BUB1: variants seen among roughly 807,000 people sequenced by gnomAD.
The protein encoded by BUB1 is BUB1 mitotic checkpoint serine/threonine kinase.
In BUB1, 84 loss-of-function variants were observed where a neutral mutation model predicts 135.2. The ratio of observed to expected loss-of-function variants is 0.62; its 90% CI spans 0.52 to 0.74. The LOEUF is 0.74. Among genes scored for constraint, BUB1 ranks in the 30% least tolerant of loss-of-function variants. The pLI is 0.00. For synonymous variants in BUB1, 403 were observed against 434.4 expected, an observed-to-expected ratio of 0.93 and a Z score of 0.90; for missense variants, 1,162 against 1,288.3, an observed-to-expected ratio of 0.90 and a Z score of 1.50.
intron 4 of BUB1, among the ~76,000 whole-genome samples, chr2:110,671,880 T>G (rs1266753144): frequency 6.6e-6 from 1 of 152,298 alleles, no homozygotes; most frequent in South Asian, 2.1e-4. Flanking sequence ...GTGAGATATG[T>G]TTAATCATAG....
At chr2:110,670,235 C>A (rs1431361776) in intron 5 of BUB1, among the ~76,000 whole-genome samples, 1 of 148,262 alleles carries the variant, frequency 6.7e-6, no homozygotes, top group Non-Finnish European at 1.5e-5. Flanking sequence ...GCCTCCCGGG[C>A]TCAAGCAATT....
intron 17 of BUB1, 146 bp downstream of exon 17, chr2:110,653,290 T>C (rs1689831595): frequency 1.4e-6 from 1 of 722,268 alleles, no homozygotes; most frequent in Admixed American, 2.7e-5. Context: ...GACTTAAAGC[T>C]ACTAGTCCAT....
chr2:110,674,317 A>C lies in BUB1; in HGVS notation c.75T>G (p.Gly25=). ...MQSYKGNDPL[G]EWERYIQWVE... is the part of the protein sequence containing the mutation. ...AACTAAATGCTGACCTTTCCCATTC[A>C]CCAAGAGGGTCATTGCCCTTGTAGC... Residue 25 remains glycine (G), a synonymous_variant, in exon 2 of 25, where the codon GGT becomes GGG. Coordinates refer to ENST00000302759, the MANE Select transcript of BUB1 (RefSeq NM_004336.5). 1.2e-6 allele frequency: 2 copies of C among 1,614,072 alleles called. No individual in the cohort carries two copies. Among genetic ancestry groups the C allele is most frequent in the Non-Finnish European group, 1.7e-6 (2 of 1,179,994 alleles).
intron 9 of BUB1, 67 bp downstream of exon 9, chr2:110,666,196 A>G: frequency 7.7e-7 from 1 of 1,297,624 alleles, no homozygotes; most frequent in East Asian, 2.8e-5. Context: ...CAGCACATAG[A>G]AAGGAACAAA....
At position 110,637,853 on chromosome 2, in the gene BUB1, G is replaced by T. The variant is rs992296947; in HGVS notation, c.*111C>A. 1 of 789,316 alleles carries T rather than the reference G, an allele frequency of 1.3e-6. No individual in the cohort carries two copies. Among genetic ancestry groups the T allele is most frequent in the Non-Finnish European group, 1.8e-6 (1 of 553,486 alleles). The allele number at this position is 789,316 out of a possible 1,614,324, so 48.9% of individuals were successfully genotyped here. On this transcript the variant is annotated 3_prime_UTR_variant, in exon 25 of 25. Coordinates refer to ENST00000302759, the MANE Select transcript of BUB1 (RefSeq NM_004336.5). ...TAAGTTACATGGAAATATTCCATGG[G>T]ATTTATTTTTAACAAACATTTACAT...
intron 8 of BUB1, among the ~76,000 whole-genome samples, chr2:110,666,643 C>A (rs1473955038): frequency 1.3e-5 from 2 of 150,256 alleles, no homozygotes; most frequent in Non-Finnish European, 3.0e-5. Flanking sequence ...AAAAAAACTA[C>A]ATGCTGATCA....
chr2:110,659,494 C>T (rs1485009657), intron 11 of BUB1, among the ~76,000 whole-genome samples: 2 of 152,084 alleles, frequency 1.3e-5, no homozygotes, highest in African/African-American at 4.8e-5. Flanking sequence ...AATGAACCTC[C>T]AGCTATTTCA....
rs371401406 is a variant in BUB1, at chr2:110,670,593, A to T, written c.423-25T>A. The stretch of plus-strand genomic sequence containing the variant: ...CCTAAATGACAGCAGAAAAGGCATC[A>T]ATGTAGATTATAAACTTACAGTACA... On this transcript the variant is annotated intron_variant, in intron 4 of 24. Coordinates refer to ENST00000302759, the MANE Select transcript of BUB1 (RefSeq NM_004336.5). 3.1e-6 allele frequency: 5 copies of T among 1,611,800 alleles called. No individual in the cohort carries two copies. The African/African-American group carries it at 4.0e-5, about 13-fold the overall frequency.
In BUB1 at chr2:110,663,907, T is replaced by C. The variant is rs375209702; in HGVS notation, c.958-2066A>G. Among the ~76,000 whole-genome samples the C allele has an allele frequency of 9.2e-3, 1,395 of 151,506 alleles. 21 individuals are homozygous for C. The highest frequency in any genetic ancestry group is 0.032 in the African/African-American group (1,324 of 41,282). On this transcript the variant is annotated intron_variant, in intron 9 of 24. Coordinates refer to ENST00000302759, the MANE Select transcript of BUB1 (RefSeq NM_004336.5). ...AGCCAGGCATGGTGGCAGGCGCCTGTAGTCCCAGCTACTCAGGAGGCTGAG... is the reference window on the plus strand; with the variant it reads ...AGCCAGGCATGGTGGCAGGCGCCTGCAGTCCCAGCTACTCAGGAGGCTGAG...
rs760418033 is a variant in BUB1, at chr2:110,639,789, T to C, written c.3015A>G (p.Lys1005=). The C allele has an allele frequency of 3.3e-5, 53 of 1,614,112 alleles. No individual in the cohort carries two copies. The highest frequency in any genetic ancestry group is 1.4e-4 in the South Asian group (13 of 91,070). ...TACACTCTCCTCCTTCATTTTTCAC[T>C]TTCATGTAAGTGCCAAAGAGCATGC... The part of the protein sequence containing the change: ...VYCMLFGTYM[K]VKNEGGECKP... The change falls in exon 24 of 25, where the codon AAA becomes AAG. Residue 1005 remains lysine, a synonymous_variant. Coordinates refer to ENST00000302759, the MANE Select transcript of BUB1 (RefSeq NM_004336.5).
intron 4 of BUB1, among the ~76,000 whole-genome samples, 173 bp downstream of exon 4, chr2:110,672,488 A>C (rs1220864814): frequency 6.6e-6 from 1 of 152,242 alleles, no homozygotes; most frequent in Non-Finnish European, 1.5e-5. Flanking sequence ...TGTGCCAGTT[A>C]TTGTTAACAG....
In BUB1 at chr2:110,639,839, A is replaced by G. The variant is rs1689456393; in HGVS notation, c.2965T>C (p.Phe989Leu). The change falls in exon 24 of 25, where the codon TTT becomes CTT. Residue 989 changes from phenylalanine (F) to leucine (L), a missense_variant. By Grantham distance (22) the Phe-to-Leu change is conservative (BLOSUM62 0). Transcript: ENST00000302759. ...NKPWNYQIDY[F>L]GVAATVYCML... Reference sequence around the variant, plus strand: ...CAATATACTGTTGCAGCAACCCCAAAGTAATCGATCTATGAAGAAGATAGA... The same window carrying G: ...CAATATACTGTTGCAGCAACCCCAAGGTAATCGATCTATGAAGAAGATAGA... 6.2e-7 allele frequency: 1 copy of G among 1,612,862 alleles called. No individual in the cohort carries two copies. Among genetic ancestry groups the G allele is most frequent in the Admixed American group, 1.7e-5 (1 of 59,996 alleles).
At chr2:110,653,337 T>C in intron 17 of BUB1, 99 bp downstream of exon 17, 2 of 1,232,406 alleles carry the variant, frequency 1.6e-6, no homozygotes, top group Non-Finnish European at 1.2e-6. Context: ...AAATTAGGTA[T>C]TCTATTACAG....
intron 2 of BUB1, 35 bp downstream of exon 2, chr2:110,674,271 T>C (rs1240199093): frequency 1.9e-6 from 3 of 1,613,442 alleles, no homozygotes; most frequent in Non-Finnish European, 2.5e-6. Flanking sequence ...CAGTGTATAG[T>C]TTGTTTAAGG....
At chr2:110,671,779 T>C (rs1361539299) in intron 4 of BUB1, among the ~76,000 whole-genome samples, 1 of 152,206 alleles carries the variant, frequency 6.6e-6, no homozygotes, top group African/African-American at 2.4e-5. Flanking sequence ...ACATAAAGCA[T>C]GCATGCAATC....
intron 9 of BUB1, chr2:110,662,091 G>A: frequency 2.2e-6 from 1 of 454,562 alleles, no homozygotes; most frequent in South Asian, 3.5e-5. Flanking sequence ...TCTAACCACT[G>A]AAATAACAAG....
chr2:110,652,280 TC>T (rs1689807588), intron 17 of BUB1, among the ~76,000 whole-genome samples: 1 of 152,114 alleles, frequency 6.6e-6, no homozygotes, highest in African/African-American at 2.4e-5. Context: ...CACTCAGCCT[TC>T]CGGTTCCAGC....
At chr2:110,651,200 T>C (rs945354388) in intron 17 of BUB1, among the ~76,000 whole-genome samples, 1 of 152,112 alleles carries the variant, frequency 6.6e-6, no homozygotes, top group East Asian at 1.9e-4. Flanking sequence ...TACACTTCCA[T>C]ATATATAGTC....
chr2:110,649,438 C>T (rs912982103), intron 18 of BUB1, 61 bp from the exon 19 acceptor site: 1 of 1,424,720 alleles, frequency 7.0e-7, no homozygotes, highest in Non-Finnish European at 9.4e-7. Flanking sequence ...AAGAACTTTA[C>T]CAAATAAATT....
Sources: allele counts gnomAD v4.1 joint callset (sites outside exome capture counted in the v4.1 genomes callset), GRCh38; gene constraint gnomAD v4.1.1; transcripts MANE v1.5; gene names NCBI Gene and HGNC (gene_info 2026-07-23, HGNC 2026-07-21).